The following CACNB4 variants were observed in gnomAD, a reference collection of about 807,000 sequenced individuals.
CACNB4 encodes the protein voltage-dependent L-type calcium channel subunit beta-4.
In CACNB4, 32 loss-of-function variants were observed where a neutral mutation model predicts 71.2. The ratio of observed to expected loss-of-function variants is 0.45; its 90% CI spans 0.34 to 0.60. CACNB4 has a LOEUF of 0.60. Ranked by LOEUF, CACNB4 falls within the 20% of genes least tolerant of loss-of-function variation. The probability of loss-of-function intolerance (pLI) is 0.01; values close to 1 mark genes in which losing one functional copy is unlikely to be tolerated. For missense variants in CACNB4, 464 were observed against 647.9 expected, an observed-to-expected ratio of 0.72 and a Z score of 3.08; for synonymous variants, 231 against 236.9, an observed-to-expected ratio of 0.97 and a Z score of 0.23.
intron 12 of CACNB4, among the ~76,000 whole-genome samples, chr2:151,845,274 G>C (rs532551666): frequency 6.6e-6 from 1 of 152,324 alleles, no homozygotes; most frequent in Admixed American, 6.5e-5. Flanking sequence ...GACAGATACA[G>C]GTTGGAAGAT....
intron 2 of CACNB4, among the ~76,000 whole-genome samples, chr2:151,951,894 G>T (rs187614878): frequency 1.3e-5 from 2 of 152,242 alleles, no homozygotes; most frequent in African/African-American, 4.8e-5. Context: ...GGCATACTGA[G>T]AACTGAAAAA....
intron 2 of CACNB4, among the ~76,000 whole-genome samples, chr2:152,013,792 T>A (rs1042808452): frequency 3.3e-5 from 5 of 152,236 alleles, no homozygotes; most frequent in African/African-American, 1.2e-4. Flanking sequence ...CTACTCATTA[T>A]GGGATGGGAT....
chr2:151,927,608 G>T (rs2099860573), intron 2 of CACNB4, among the ~76,000 whole-genome samples: 1 of 152,224 alleles, frequency 6.6e-6, no homozygotes, highest in Non-Finnish European at 1.5e-5. Context: ...GGACTGGTGA[G>T]GGGTAACACA....
chr2:151,897,930 T>A (rs776298105), intron 2 of CACNB4, among the ~76,000 whole-genome samples: 1 of 152,208 alleles, frequency 6.6e-6, no homozygotes, highest in African/African-American at 2.4e-5. Flanking sequence ...CCCTTTGTTT[T>A]TTGGGTGAGG....
intron 2 of CACNB4, among the ~76,000 whole-genome samples, chr2:152,084,590 T>G (rs565310474): frequency 1.3e-5 from 2 of 152,248 alleles, no homozygotes; most frequent in South Asian, 2.1e-4. Context: ...CATGACAACT[T>G]CTGCTGCTGC....
chr2:152,064,858 T>C (rs1248450904), intron 2 of CACNB4, among the ~76,000 whole-genome samples: 1 of 152,076 alleles, frequency 6.6e-6, no homozygotes, highest in Non-Finnish European at 1.5e-5. Context: ...GTCTAGATTG[T>C]CATAAAATCC....
At chr2:151,945,210 A>C (rs185282607) in intron 2 of CACNB4, among the ~76,000 whole-genome samples, 6 of 152,332 alleles carry the variant, frequency 3.9e-5, no homozygotes, top group African/African-American at 9.6e-5. Context: ...GATAGTGGAA[A>C]ATACTCAGGT....
intron 2 of CACNB4, among the ~76,000 whole-genome samples, chr2:151,921,196 A>AC (rs10660044): frequency 1.3e-4 from 19 of 150,464 alleles, no homozygotes; most frequent in Admixed American, 5.3e-4. Flanking sequence ...TTAAAAAAAA[A>AC]CACCTTACTT....
chr2:151,910,898 C>T (rs1037459894), intron 2 of CACNB4, among the ~76,000 whole-genome samples: 4 of 152,160 alleles, frequency 2.6e-5, no homozygotes, highest in Non-Finnish European at 5.9e-5. Flanking sequence ...ACAGTATGGC[C>T]ATTTTCACAA....
intron 2 of CACNB4, among the ~76,000 whole-genome samples, chr2:152,072,610 G>A (rs904171684): frequency 5.9e-5 from 9 of 151,868 alleles, no homozygotes; most frequent in African/African-American, 1.9e-4. Flanking sequence ...CTTATGATGA[G>A]GCACAGAAGT....
At chr2:152,091,359 G>A (rs551535941) in intron 2 of CACNB4, among the ~76,000 whole-genome samples, 103 of 152,326 alleles carry the variant, frequency 6.8e-4, no homozygotes, top group African/African-American at 2.4e-3. Context: ...TACAGAGCAA[G>A]TAAAAACTTC....
At chr2:151,937,333 T>G (rs1320387356) in intron 2 of CACNB4, among the ~76,000 whole-genome samples, 1 of 152,190 alleles carries the variant, frequency 6.6e-6, no homozygotes, top group Non-Finnish European at 1.5e-5. Context: ...AGAGTTTCAT[T>G]TAATGCTGCC....
chr2:151,878,572 C>CACACACACACACACAT (rs1236304152), intron 4 of CACNB4, among the ~76,000 whole-genome samples: 1 of 151,516 alleles, frequency 6.6e-6, no homozygotes, highest in Non-Finnish European at 1.5e-5. Context: ...CACACACACA[C>CACACACACACACACAT]ACACACACAG....
At chr2:151,992,445 G>C (rs1681761882) in intron 2 of CACNB4, among the ~76,000 whole-genome samples, 1 of 152,198 alleles carries the variant, frequency 6.6e-6, no homozygotes, top group Non-Finnish European at 1.5e-5. Context: ...AGAACAAAAT[G>C]CAAGAGCAAC....
chr2:152,094,252 T>A (rs1435839673), intron 2 of CACNB4, among the ~76,000 whole-genome samples: 2 of 152,034 alleles, frequency 1.3e-5, no homozygotes, highest in Non-Finnish European at 2.9e-5. Context: ...AGATTAAAAG[T>A]TAACTAGGCA....
At chr2:151,980,487 A>ATAGC (rs1294297281) in intron 2 of CACNB4, among the ~76,000 whole-genome samples, 3 of 152,192 alleles carry the variant, frequency 2.0e-5, no homozygotes, top group African/African-American at 4.8e-5. Flanking sequence ...TGGTGAATTA[A>ATAGC]TAGCTGTCTT....
At chr2:151,984,248 A>G (rs1462782042) in intron 2 of CACNB4, among the ~76,000 whole-genome samples, 3 of 152,178 alleles carry the variant, frequency 2.0e-5, no homozygotes, top group South Asian at 2.1e-4. Context: ...CAAACAGTCC[A>G]TTCCAAAAAC....
In CACNB4 at chr2:151,838,967, A is replaced by ATT; in HGVS notation, c.*150_*151dup. The ATT allele has an allele frequency of 6.4e-5, 31 of 483,032 alleles. No homozygotes were observed. The highest frequency in any genetic ancestry group is 2.1e-4 in the East Asian group (6 of 28,870). 29.9% of individuals were successfully genotyped at this position (483,032 alleles called of 1,614,324 possible). A position where few individuals can be genotyped will look rare whatever the true frequency, so the allele number is the denominator to read the frequency against. On this transcript the variant is annotated 3_prime_UTR_variant, in exon 14 of 14. Transcript: ENST00000539935. ...CATCTAGACTCAAGGGCATAATGTA[A>ATT]TTTTTTTTTTTGCCCCTTACTTAGC...
chr2:151,913,403 T>TA (rs1211386159), intron 2 of CACNB4, among the ~76,000 whole-genome samples: 1 of 152,148 alleles, frequency 6.6e-6, no homozygotes, highest in Non-Finnish European at 1.5e-5. Flanking sequence ...TGAGAAGGAT[T>TA]TTATTTCTCC....
Sources: gnomAD v4.1 joint callset for allele counts (sites outside exome capture counted in the v4.1 genomes callset) on GRCh38, gnomAD v4.1.1 for gene constraint, MANE v1.5 for transcripts, NCBI Gene and HGNC (gene_info 2026-07-23, HGNC 2026-07-21) for gene names.